CCDC80: variants seen among roughly 807,000 people sequenced by gnomAD.
CCDC80 encodes coiled-coil domain-containing protein 80.
A neutral mutation model predicts 78.7 loss-of-function variants in CCDC80; 49 were observed. The ratio of observed to expected loss-of-function variants is 0.62; its 90% CI spans 0.50 to 0.79. The LOEUF (loss-of-function observed/expected upper bound fraction) is 0.79, where lower values mean the gene tolerates loss of function less well. Among genes scored for constraint, CCDC80 ranks in the 30% least tolerant of loss-of-function variants. The pLI is 0.00. For missense variants in CCDC80, 1,205 were observed against 1,198.6 expected, an observed-to-expected ratio of 1.01 and a Z score of -0.08; for synonymous variants, 488 against 447.0, an observed-to-expected ratio of 1.09 and a Z score of -1.16.
intron 6 of CCDC80, among the ~76,000 whole-genome samples, chr3:112,608,349 A>G (rs1024247178): frequency 1.3e-5 from 2 of 152,222 alleles, no homozygotes; most frequent in Non-Finnish European, 1.5e-5. Context: ...ATGCTATTCA[A>G]AAAAATTTTT....
intron 2 of CCDC80, among the ~76,000 whole-genome samples, chr3:112,637,587 A>C (rs1936232490): frequency 6.6e-6 from 1 of 152,230 alleles, no homozygotes. Flanking sequence ...AGACAGAGAG[A>C]AACCCTTTTA....
At position 112,640,525 on chromosome 3, in the gene CCDC80, C is replaced by G. The variant is rs1464104259; in HGVS notation, c.-210G>C. The G allele has an allele frequency of 6.5e-6, 1 of 153,124 alleles. No homozygotes were observed. Among genetic ancestry groups the G allele is most frequent in the African/African-American group, 2.4e-5 (1 of 41,436 alleles). 9.5% of individuals were successfully genotyped at this position (153,124 alleles called of 1,614,324 possible). A position where few individuals can be genotyped will look rare whatever the true frequency, so the allele number is the denominator to read the frequency against. On this transcript the variant is annotated 5_prime_UTR_variant, in exon 1 of 8. Transcript: ENST00000206423. ...TCCACAGCCTGTCCTGATCTGAGAG[C>G]TGAGCCGATGCCTTTTCTTTCTGGC...
rs115738438 is a variant in CCDC80, at chr3:112,638,883, C to A, written c.1023G>T (p.Leu341Phe). 0.012 allele frequency: 20,007 copies of A among 1,613,468 alleles called. 162 individuals carry two copies. Among genetic ancestry groups the A allele is most frequent in the South Asian group, 0.017 (1,535 of 91,060 alleles). Reference protein sequence around the residue: ...LRKLAATAPALPQPPSTPRAT... With the variant: ...LRKLAATAPAFPQPPSTPRAT... ...CTCTGGGGGTTGAGGGAGGTTGGGGCAAAGCTGGTGCAGTGGCGGCCAGTT... is the reference window on the plus strand; with the variant it reads ...CTCTGGGGGTTGAGGGAGGTTGGGGAAAAGCTGGTGCAGTGGCGGCCAGTT... Residue 341 changes from leucine to phenylalanine, a missense_variant, in exon 2 of 8, where the codon TTG (leucine) becomes TTT (phenylalanine). Coordinates refer to ENST00000206423, the MANE Select transcript of CCDC80 (RefSeq NM_199511.3).
At chr3:112,632,943 A>C (rs1936126468) in intron 2 of CCDC80, among the ~76,000 whole-genome samples, 1 of 152,150 alleles carries the variant, frequency 6.6e-6, no homozygotes, top group Non-Finnish European at 1.5e-5. Context: ...AATGAAAGGA[A>C]TCTTGGGCAG....
In CCDC80 at chr3:112,638,496, C is replaced by G. The variant is rs376265934; in HGVS notation, c.1410G>C (p.Arg470Ser). Residue 470 changes from arginine (R) to serine (S), a missense_variant, in exon 2 of 8, where the codon AGG becomes AGC. Arg to Ser is a moderately radical substitution (Grantham distance 110). Coordinates refer to ENST00000206423, the MANE Select transcript of CCDC80 (RefSeq NM_199511.3). ...PGRFRDNRMD[R>S]REHGHRDPNV... is the part of the protein sequence containing the mutation. ...TTGGGTCTCGGTGGCCATGTTCCCG[C>G]CTGTCCATGCGGTTGTCCCGGAAAC... The G allele has an allele frequency of 6.2e-7, 1 of 1,611,668 alleles. No homozygotes were observed. The highest frequency in any genetic ancestry group is 8.5e-7 in the Non-Finnish European group (1 of 1,179,244).
At chr3:112,608,255 G>A (rs150617169) in intron 6 of CCDC80, among the ~76,000 whole-genome samples, 121 of 152,340 alleles carry the variant, frequency 7.9e-4, no homozygotes, top group African/African-American at 2.7e-3. Context: ...TAATAAGGTT[G>A]TTGGTGCTGT....
At chr3:112,622,022 G>T (rs1935878877) in intron 3 of CCDC80, among the ~76,000 whole-genome samples, 1 of 152,134 alleles carries the variant, frequency 6.6e-6, no homozygotes, top group South Asian at 2.1e-4. Flanking sequence ...CACAGACCCT[G>T]AGAGGAGGAG....
intron 2 of CCDC80, among the ~76,000 whole-genome samples, chr3:112,636,810 G>A (rs1449895524): frequency 1.3e-5 from 2 of 152,134 alleles, no homozygotes; most frequent in African/African-American, 2.4e-5. Context: ...CTCTCACCCA[G>A]GCATCTGAGA....
chr3:112,626,948 C>T (rs1391421734), intron 3 of CCDC80, among the ~76,000 whole-genome samples: 1 of 152,170 alleles, frequency 6.6e-6, no homozygotes, highest in Admixed American at 6.5e-5. Context: ...ATGAACTTTG[C>T]TACCTCTCTT....
At chr3:112,620,051 A>G (rs1935831158) in intron 3 of CCDC80, among the ~76,000 whole-genome samples, 1 of 152,228 alleles carries the variant, frequency 6.6e-6, no homozygotes, top group African/African-American at 2.4e-5. Flanking sequence ...AGAGCCTATC[A>G]CTTATTACCA....
intron 2 of CCDC80, among the ~76,000 whole-genome samples, chr3:112,633,351 A>C (rs2107493178): frequency 6.6e-6 from 1 of 152,146 alleles, no homozygotes; most frequent in Middle Eastern, 3.4e-3. Flanking sequence ...CTTTCAATGC[A>C]TTATCCTCCT....
chr3:112,607,280 G>T, intron 6 of CCDC80, 24 bp from the exon 7 acceptor site: 1 of 1,570,934 alleles, frequency 6.4e-7, no homozygotes, highest in South Asian at 1.1e-5. Context: ...GAAAACCATA[G>T]GATTAGAGGA....
chr3:112,610,258 T>A lies in CCDC80; in HGVS notation c.2322-177A>T, dbSNP rs778352820. On this transcript the variant is annotated intron_variant, in intron 5 of 7. Coordinates refer to ENST00000206423, the MANE Select transcript of CCDC80 (RefSeq NM_199511.3). ...CCATTAAACTGCATTGCTACACTCC[T>A]GTAGTTTTTCTGTTGTAACTTCACA... is the stretch of plus-strand genomic sequence containing the variant. 4 of 624,250 alleles carry A rather than the reference T, an allele frequency of 6.4e-6. No homozygotes were observed. The South Asian group carries it at 7.3e-5, about 11-fold the overall frequency. 38.7% of individuals were successfully genotyped at this position (624,250 alleles called of 1,614,324 possible). A position where few individuals can be genotyped will look rare whatever the true frequency, so the allele number is the denominator to read the frequency against.
chr3:112,623,426 A>G (rs1298297617), intron 3 of CCDC80, among the ~76,000 whole-genome samples: 1 of 152,124 alleles, frequency 6.6e-6, no homozygotes, highest in African/African-American at 2.4e-5. Context: ...AGGCAATTCC[A>G]CTAATGCCTG....
rs370370661 is a variant in CCDC80 at position 112,632,846 on chromosome 3, C to A, written c.1879-2577G>T. Among the ~76,000 whole-genome samples, 5 of 152,316 alleles carry A rather than the reference C, an allele frequency of 3.3e-5. No homozygotes were observed. In the East Asian group the frequency reaches 9.6e-4, roughly 29 times the overall value. ...TAACTTCCGGCCCTCCACGTTCTGG[C>A]CCCGGGCTCTCTTTTGCTAATGTCC... is the stretch of plus-strand genomic sequence containing the variant. On this transcript the variant is annotated intron_variant, in intron 2 of 7. Transcript: ENST00000206423.
rs200031042 is a variant in CCDC80, at chr3:112,638,984, T to C, written c.922A>G (p.Ser308Gly). The C allele has an allele frequency of 1.4e-4, 222 of 1,611,938 alleles. 1 individual carries two copies. In the East Asian group the frequency reaches 4.8e-3, roughly 35 times the overall value. The change falls in exon 2 of 8, where the codon AGC becomes GGC. Residue 308 changes from serine to glycine, a missense_variant. Transcript: ENST00000206423. Reference protein sequence around the residue: ...GGGAGRPSLGSEKKKEDPRRA... With the variant: ...GGGAGRPSLGGEKKKEDPRRA... ...CTTGGGTCCTCTTTCTTCTTCTCGC[T>C]GCCCAGGCTTGGCCTTCCTGCTCCC...
At chr3:112,623,374 A>T (rs1021249378) in intron 3 of CCDC80, among the ~76,000 whole-genome samples, 9 of 152,210 alleles carry the variant, frequency 5.9e-5, no homozygotes, top group African/African-American at 2.2e-4. Context: ...TCCTTGTGAC[A>T]TCCGTGGATT....
chr3:112,615,176 C>T (rs1344401304), intron 5 of CCDC80, among the ~76,000 whole-genome samples: 1 of 152,118 alleles, frequency 6.6e-6, no homozygotes, highest in African/African-American at 2.4e-5. Context: ...GTTCTGTACC[C>T]TTTATATATC....
intron 4 of CCDC80, 57 bp from the exon 5 acceptor site, chr3:112,616,915 C>G: frequency 3.8e-6 from 6 of 1,565,504 alleles, no homozygotes; most frequent in Non-Finnish European, 5.2e-6. Context: ...TCTCTCTATT[C>G]AGAGGATAGA....
Sources: allele counts gnomAD v4.1 joint callset (sites outside exome capture counted in the v4.1 genomes callset), GRCh38; gene constraint gnomAD v4.1.1; transcripts MANE v1.5; gene names NCBI Gene and HGNC (gene_info 2026-07-23, HGNC 2026-07-21).